The following ZBTB8A variants were observed in gnomAD, a reference collection of about 807,000 sequenced individuals.
ZBTB8A encodes zinc finger and BTB domain-containing protein 8A.
A neutral mutation model predicts 37.8 loss-of-function variants in ZBTB8A; 19 were observed. The observed-to-expected ratio is 0.50, with a 90% CI of 0.35 to 0.74. ZBTB8A has a LOEUF of 0.74. ZBTB8A is among the 30% of genes least tolerant of loss of function. The pLI is 0.01. For missense variants in ZBTB8A, 394 were observed against 537.8 expected, an observed-to-expected ratio of 0.73 and a Z score of 2.65; for synonymous variants, 181 against 185.2, an observed-to-expected ratio of 0.98 and a Z score of 0.19.
intron 2 of ZBTB8A, among the ~76,000 whole-genome samples, chr1:32,557,887 CTGACTTCA>C (rs1644215192): frequency 1.3e-5 from 2 of 152,184 alleles, no homozygotes; most frequent in South Asian, 4.1e-4. Context: ...CCATAATATA[CTGACTTCA>C]TGCTCAGTGA....
chr1:32,561,916 G>A (rs1644246381), intron 2 of ZBTB8A, among the ~76,000 whole-genome samples: 1 of 152,096 alleles, frequency 6.6e-6, no homozygotes, highest in Admixed American at 6.6e-5. Flanking sequence ...GAGCAAGAGA[G>A]AGAGTGGAAG....
In ZBTB8A at chr1:32,600,698, C is replaced by A. The variant is rs2294815; in HGVS notation, c.*279C>A. ...TTCATTACAATCCTCTTACTTTATTCCAGAGATACCTTTTTCTTTTAATAT... is the reference window on the plus strand; with the variant it reads ...TTCATTACAATCCTCTTACTTTATTACAGAGATACCTTTTTCTTTTAATAT... On this transcript the variant is annotated 3_prime_UTR_variant, in exon 5 of 5. Coordinates refer to ENST00000373510, the MANE Select transcript of ZBTB8A (RefSeq NM_001040441.3). 0.14 allele frequency: 38,147 copies of A among 277,856 alleles called. 3,333 individuals carry two copies. Among genetic ancestry groups the A allele is most frequent in the African/African-American group, 0.27 (12,375 of 45,708 alleles). 17.2% of individuals were successfully genotyped at this position (277,856 alleles called of 1,614,324 possible). A position where few individuals can be genotyped will look rare whatever the true frequency, so the allele number is the denominator to read the frequency against.
chr1:32,582,207 T>A (rs1265576530), intron 2 of ZBTB8A, among the ~76,000 whole-genome samples: 1 of 152,018 alleles, frequency 6.6e-6, no homozygotes, highest in Non-Finnish European at 1.5e-5. Flanking sequence ...AGTACTAACT[T>A]GATGCTCAAA....
chr1:32,600,021 A>G (rs2148255979), intron 4 of ZBTB8A, 66 bp from the exon 5 acceptor site: 1 of 1,287,120 alleles, frequency 7.8e-7, no homozygotes, highest in African/African-American at 1.5e-5. Context: ...ATGAACTGGT[A>G]CCTAAAATAT....
chr1:32,544,739 TA>T (rs1177619007), intron 1 of ZBTB8A, among the ~76,000 whole-genome samples: 3 of 152,124 alleles, frequency 2.0e-5, no homozygotes, highest in Non-Finnish European at 4.4e-5. Flanking sequence ...AAAGGTACAA[TA>T]AAAATATGGT....
intron 2 of ZBTB8A, among the ~76,000 whole-genome samples, chr1:32,560,511 G>A (rs923218675): frequency 1.3e-5 from 2 of 148,260 alleles, no homozygotes; most frequent in African/African-American, 2.5e-5. Context: ...CAGTTTCAGC[G>A]TTTTTTGTTG....
rs899139039 is a variant in ZBTB8A at position 32,605,160 on chromosome 1, A to T, written c.*4741A>T. 6.8e-6 allele frequency: 1 copy of T among 147,520 alleles called. No individual in the cohort carries two copies. The highest frequency in any genetic ancestry group is 2.4e-5 in the African/African-American group (1 of 40,872). 9.1% of individuals were successfully genotyped at this position (147,520 alleles called of 1,614,324 possible). Reference sequence around the variant, plus strand: ...GCGAGACTCCATCAAAAAAAAAAAAAAAAAAAAAAAAGATGTGTTTAACTG... The same window carrying T: ...GCGAGACTCCATCAAAAAAAAAAAATAAAAAAAAAAAGATGTGTTTAACTG... On this transcript the variant is annotated 3_prime_UTR_variant, in exon 5 of 5. Transcript: ENST00000373510.
intron 2 of ZBTB8A, among the ~76,000 whole-genome samples, chr1:32,579,671 A>G (rs1644389262): frequency 6.6e-6 from 1 of 152,038 alleles, no homozygotes. Flanking sequence ...CTCTTCCTGT[A>G]TTCCAGTCCA....
chr1:32,564,283 G>A (rs1014171936), intron 2 of ZBTB8A, among the ~76,000 whole-genome samples: 1 of 152,114 alleles, frequency 6.6e-6, no homozygotes, highest in Admixed American at 6.5e-5. Flanking sequence ...CTCCATCCCA[G>A]TGCCAAGCTT....
chr1:32,565,773 TACTG>T (rs1215022665), intron 2 of ZBTB8A, among the ~76,000 whole-genome samples: 1 of 152,180 alleles, frequency 6.6e-6, no homozygotes, highest in Non-Finnish European at 1.5e-5. Context: ...ATTCAACAAA[TACTG>T]ACTGAGCATC....
At chr1:32,584,874 G>A (rs571308214) in intron 2 of ZBTB8A, among the ~76,000 whole-genome samples, 11 of 151,900 alleles carry the variant, frequency 7.2e-5, no homozygotes, top group Admixed American at 3.3e-4. Context: ...AGCAAATGAC[G>A]CCTGCTGTCA....
chr1:32,550,405 C>T (rs1047364763), intron 1 of ZBTB8A, among the ~76,000 whole-genome samples: 2 of 151,992 alleles, frequency 1.3e-5, no homozygotes, highest in Admixed American at 1.3e-4. Flanking sequence ...TTGCTTGAGT[C>T]CAGGAGTTCG....
intron 1 of ZBTB8A, among the ~76,000 whole-genome samples, chr1:32,540,993 C>T (rs564559172): frequency 1.9e-4 from 29 of 152,200 alleles, no homozygotes; most frequent in Non-Finnish European, 3.5e-4. Flanking sequence ...TCACCAGCTT[C>T]GCTGTTGATA....
chr1:32,549,580 G>A (rs764205607), intron 1 of ZBTB8A, among the ~76,000 whole-genome samples: 25 of 152,000 alleles, frequency 1.6e-4, no homozygotes, highest in Non-Finnish European at 3.2e-4. Context: ...TTTAAGGGTC[G>A]ACTAACTGCT....
At chr1:32,542,343 C>T (rs1334564757) in intron 1 of ZBTB8A, among the ~76,000 whole-genome samples, 2 of 93,934 alleles carry the variant, frequency 2.1e-5, no homozygotes, top group East Asian at 3.3e-4. Context: ...GTCGGGGGGG[C>T]GGGGTGTGGA....
chr1:32,599,575 G>T (rs1248770309), intron 4 of ZBTB8A, among the ~76,000 whole-genome samples: 1 of 151,986 alleles, frequency 6.6e-6, no homozygotes, highest in Non-Finnish European at 1.5e-5. Flanking sequence ...AAATTAGCTG[G>T]GCGTGGTGGC....
chr1:32,550,268 T>C (rs1312708949), intron 1 of ZBTB8A, among the ~76,000 whole-genome samples: 3 of 151,948 alleles, frequency 2.0e-5, no homozygotes, highest in African/African-American at 7.3e-5. Flanking sequence ...CTGAAAAAAA[T>C]AGCATTCCAT....
At chr1:32,583,191 G>A (rs2148242561) in intron 2 of ZBTB8A, among the ~76,000 whole-genome samples, 1 of 151,852 alleles carries the variant, frequency 6.6e-6, no homozygotes, top group Admixed American at 6.6e-5. Context: ...GACCAGCCTG[G>A]GAAACAGTGA....
chr1:32,540,724 T>C (rs567828547), intron 1 of ZBTB8A, among the ~76,000 whole-genome samples: 5 of 152,300 alleles, frequency 3.3e-5, no homozygotes, highest in East Asian at 1.9e-4. Context: ...TCCAGTCTTA[T>C]CTCCTCCATG....
Sources: gnomAD v4.1 joint callset for allele counts (sites outside exome capture counted in the v4.1 genomes callset) on GRCh38, gnomAD v4.1.1 for gene constraint, MANE v1.5 for transcripts, NCBI Gene and HGNC (gene_info 2026-07-23, HGNC 2026-07-21) for gene names.